The following CSTA variants were observed in gnomAD, a reference collection of about 807,000 sequenced individuals.
The protein encoded by CSTA is cystatin-A.
CSTA carries 9 observed loss-of-function variants against 9.2 expected under a neutral mutation model. That is an observed-to-expected ratio of 0.97 (90% CI 0.59 to 1.70). The LOEUF (loss-of-function observed/expected upper bound fraction) is 1.70, where lower values mean the gene tolerates loss of function less well. Ranked by LOEUF, CSTA falls within the 40% of genes most tolerant of loss-of-function variation. The pLI is 0.00. For missense variants in CSTA, 118 were observed against 113.1 expected (o/e 1.04, Z -0.20); for synonymous variants, 36 against 40.6 (o/e 0.89, Z 0.43).
At position 122,341,413 on chromosome 3, in the gene CSTA, C is replaced by T. The variant is rs755986906; in HGVS notation, c.169-26C>T. 3.7e-6 allele frequency: 6 copies of T among 1,612,802 alleles called. No homozygotes were observed. In the Admixed American group the frequency reaches 8.3e-5, roughly 22 times the overall value. Reference sequence around the variant, plus strand: ...ACCCATTTGAATGAATCTCCTTTTGCTTTCTCTTTCTTTAATATTTTTCAG... The same window carrying T: ...ACCCATTTGAATGAATCTCCTTTTGTTTTCTCTTTCTTTAATATTTTTCAG... On this transcript the variant is annotated intron_variant, in intron 2 of 2. Transcript: ENST00000264474.
At chr3:122,337,809 T>A in intron 2 of CSTA, 161 bp downstream of exon 2, 1 of 674,514 alleles carries the variant, frequency 1.5e-6, no homozygotes, top group Non-Finnish European at 2.7e-6. Context: ...ATTTGGTAGA[T>A]GATGTGACAC....
chr3:122,332,977 G>T (rs538136738), intron 1 of CSTA, among the ~76,000 whole-genome samples: 1 of 152,218 alleles, frequency 6.6e-6, no homozygotes, highest in South Asian at 2.1e-4. Context: ...CATCACTCAG[G>T]TCCATGTCAT....
rs750925495 is a variant in CSTA at position 122,325,324 on chromosome 3, C to A, written c.32C>A (p.Pro11His). The change falls in exon 1 of 3, where the codon CCC (proline) becomes CAC (histidine). Residue 11 changes from proline (P) to histidine (H), a missense_variant. By Grantham distance (77) the Pro-to-His change is moderately conservative. Coordinates refer to ENST00000264474, the MANE Select transcript of CSTA (RefSeq NM_005213.4). MIPGGLSEAK[P>H]ATPEIQEIVD... Reference sequence around the variant, plus strand: ...CCTGGAGGCTTATCTGAGGCCAAACCCGCCACTCCAGAAATCCAGGAGATT... The same window carrying A: ...CCTGGAGGCTTATCTGAGGCCAAACACGCCACTCCAGAAATCCAGGAGATT... 73 of 1,614,044 alleles carry A rather than the reference C, an allele frequency of 4.5e-5. No individual in the cohort carries two copies. The highest frequency in any genetic ancestry group is 5.8e-5 in the Non-Finnish European group (68 of 1,180,048).
chr3:122,335,344 G>T (rs1249434631), intron 1 of CSTA, among the ~76,000 whole-genome samples: 1 of 152,150 alleles, frequency 6.6e-6, no homozygotes, highest in Non-Finnish European at 1.5e-5. Context: ...GAGATGGAGA[G>T]GTTATCCTGG....
chr3:122,332,033 G>C (rs767138211), intron 1 of CSTA, among the ~76,000 whole-genome samples: 2 of 152,136 alleles, frequency 1.3e-5, no homozygotes, highest in Non-Finnish European at 2.9e-5. Flanking sequence ...TAATGCTGCC[G>C]CTAATCTGAC....
intron 1 of CSTA, among the ~76,000 whole-genome samples, chr3:122,328,375 C>A (rs1349004086): frequency 1.3e-5 from 2 of 151,618 alleles, no homozygotes; most frequent in Non-Finnish European, 2.9e-5. Flanking sequence ...GTGGCAGGTG[C>A]CTGTAATCCC....
At chr3:122,332,173 A>C (rs899144869) in intron 1 of CSTA, among the ~76,000 whole-genome samples, 4 of 152,036 alleles carry the variant, frequency 2.6e-5, no homozygotes, top group Admixed American at 2.6e-4. Context: ...GTCTTAGGAG[A>C]TTGCAGATCT....
intron 1 of CSTA, among the ~76,000 whole-genome samples, chr3:122,331,404 C>T (rs1299848611): frequency 6.6e-6 from 1 of 152,128 alleles, no homozygotes; most frequent in African/African-American, 2.4e-5. Flanking sequence ...CCTTCAGGCA[C>T]CTACCTTCCC....
At chr3:122,329,439 G>A (rs1390663233) in intron 1 of CSTA, among the ~76,000 whole-genome samples, 2 of 152,054 alleles carry the variant, frequency 1.3e-5, no homozygotes, top group South Asian at 2.1e-4. Flanking sequence ...GGTAGTACAC[G>A]CCTGTAGTCC....
intron 2 of CSTA, among the ~76,000 whole-genome samples, chr3:122,341,055 C>T (rs190975412): frequency 4.6e-5 from 7 of 152,072 alleles, no homozygotes; most frequent in African/African-American, 1.7e-4. Context: ...GATTCTCCTG[C>T]CTCAGCCTCT....
intron 1 of CSTA, among the ~76,000 whole-genome samples, chr3:122,334,219 C>T (rs1292995525): frequency 6.6e-6 from 1 of 152,160 alleles, no homozygotes; most frequent in Non-Finnish European, 1.5e-5. Flanking sequence ...CACACTTTTC[C>T]CGTCTATTCT....
chr3:122,326,571 C>T (rs1312277167), intron 1 of CSTA, among the ~76,000 whole-genome samples: 6 of 152,168 alleles, frequency 3.9e-5, no homozygotes, highest in Admixed American at 2.6e-4. Context: ...ATTCTGGGAA[C>T]TAGAAAGCTC....
chr3:122,330,644 G>C (rs2075199010), intron 1 of CSTA, among the ~76,000 whole-genome samples: 1 of 152,186 alleles, frequency 6.6e-6, no homozygotes, highest in Non-Finnish European at 1.5e-5. Context: ...CCTCTTCCAA[G>C]ATTCTCCGTA....
intron 1 of CSTA, among the ~76,000 whole-genome samples, chr3:122,331,568 T>C (rs890111284): frequency 2.0e-5 from 3 of 152,166 alleles, no homozygotes; most frequent in Non-Finnish European, 4.4e-5. Flanking sequence ...TCACACCCAC[T>C]GCCACCACTT....
At chr3:122,330,057 C>T (rs147791928) in intron 1 of CSTA, among the ~76,000 whole-genome samples, 36 of 152,244 alleles carry the variant, frequency 2.4e-4, no homozygotes, top group African/African-American at 7.9e-4. Context: ...TACAAACAGC[C>T]CCAAGAGGCA....
intron 1 of CSTA, among the ~76,000 whole-genome samples, chr3:122,327,596 G>T: frequency 6.8e-6 from 1 of 147,028 alleles, no homozygotes. Flanking sequence ...TTTGAAAAAT[G>T]AAGGTAACAC....
intron 2 of CSTA, among the ~76,000 whole-genome samples, chr3:122,341,197 T>A (rs2075263545): frequency 6.6e-6 from 1 of 152,128 alleles, no homozygotes; most frequent in Non-Finnish European, 1.5e-5. Context: ...TGCCTCAGCC[T>A]CCCAAAGTGC....
intron 2 of CSTA, 103 bp from the exon 3 acceptor site, chr3:122,341,336 A>T: frequency 8.1e-7 from 1 of 1,238,480 alleles, no homozygotes; most frequent in Non-Finnish European, 1.2e-6. Flanking sequence ...GTTCCTCAGC[A>T]GCTTTTTGGA....
At chr3:122,333,409 G>A (rs1429432705) in intron 1 of CSTA, among the ~76,000 whole-genome samples, 2 of 152,042 alleles carry the variant, frequency 1.3e-5, no homozygotes, top group East Asian at 3.9e-4. Flanking sequence ...TACTCATGAG[G>A]CTGAGGCAGG....
Sources: gnomAD v4.1 joint callset for allele counts (sites outside exome capture counted in the v4.1 genomes callset) on GRCh38, gnomAD v4.1.1 for gene constraint, MANE v1.5 for transcripts, NCBI Gene and HGNC (gene_info 2026-07-23, HGNC 2026-07-21) for gene names.